Variants in CRELD2 observed in about 807,000 individuals in gnomAD.
The protein encoded by CRELD2 is protein disulfide isomerase CRELD2.
CRELD2 carries 33 observed loss-of-function variants against 48.1 expected under a neutral mutation model. That is an observed-to-expected ratio of 0.69 (90% CI 0.52 to 0.92). The LOEUF is 0.92. CRELD2 is among the 40% of genes least tolerant of loss of function. The probability of loss-of-function intolerance (pLI) is 0.00; values close to 1 mark genes in which losing one functional copy is unlikely to be tolerated. For missense variants in CRELD2, 477 were observed against 482.4 expected, an observed-to-expected ratio of 0.99 and a Z score of 0.10; for synonymous variants, 220 against 203.9, an observed-to-expected ratio of 1.08 and a Z score of -0.67.
At position 49,919,816 on chromosome 22, in the gene CRELD2, ACCTGGAGG is replaced by A; in HGVS notation, c.305_312del (p.Glu102ValfsTer10). The A allele has an allele frequency of 6.2e-7, 1 of 1,611,886 alleles. No homozygotes were observed. Among genetic ancestry groups the A allele is most frequent in the Non-Finnish European group, 8.5e-7 (1 of 1,178,938 alleles). ...CAGATGCTAGAGGCGCAGGAGGAGCACCTGGAGGCCTGGTGGCTGCAGCTGTGAGTGCC... is the reference window on the plus strand; with the variant it reads ...CAGATGCTAGAGGCGCAGGAGGAGCACCTGGTGGCTGCAGCTGTGAGTGCC... On this transcript the variant is annotated frameshift_variant, in exon 3 of 10. Coordinates refer to ENST00000328268, the MANE Select transcript of CRELD2 (RefSeq NM_024324.5). LOFTEE classifies it high-confidence loss of function.
At chr22:49,925,650 A>G (rs1017845829) in intron 9 of CRELD2, 93 bp downstream of exon 9, 1 of 1,580,236 alleles carries the variant, frequency 6.3e-7, no homozygotes, top group Non-Finnish European at 8.6e-7. Context: ...ATCCACACAG[A>G]TGGTGGCCTT....
chr22:49,926,409 G>A (rs1249571439), intron 9 of CRELD2: 1 of 152,220 alleles, frequency 6.6e-6, no homozygotes, highest in Non-Finnish European at 1.5e-5. Flanking sequence ...TTTTCAGAAT[G>A]AATAAGGCAC....
intron 8 of CRELD2, chr22:49,924,744 T>G (rs1054279216): frequency 3.8e-6 from 1 of 262,084 alleles, no homozygotes; most frequent in Non-Finnish European, 7.4e-6. Context: ...TCCCTCCAGC[T>G]CCTGGGTGGC....
chr22:49,919,823 G>A lies in CRELD2; in HGVS notation c.306G>A (p.Glu102=). ...TAGAGGCGCAGGAGGAGCACCTGGA[G>A]GCCTGGTGGCTGCAGCTGTGAGTGC... ...QMLEAQEEHL[E]AWWLQLKSEY... The change falls in exon 3 of 10, where the codon GAG becomes GAA. Residue 102 remains glutamate (E), a synonymous_variant. Transcript: ENST00000328268. 1.2e-6 allele frequency: 2 copies of A among 1,609,180 alleles called. No homozygotes were observed. Among genetic ancestry groups the A allele is most frequent in the Non-Finnish European group, 1.7e-6 (2 of 1,176,714 alleles).
At chr22:49,922,162 C>T in intron 5 of CRELD2, 1 of 1,017,232 alleles carries the variant, frequency 9.8e-7, no homozygotes, top group Non-Finnish European at 1.4e-6. Context: ...CTGGTTGTCA[C>T]TGATATGTAG....
At chr22:49,920,328 G>C (rs866333436) in intron 4 of CRELD2, 81 bp downstream of exon 4, 2 of 1,012,428 alleles carry the variant, frequency 2.0e-6, no homozygotes, top group Middle Eastern at 5.2e-4. Flanking sequence ...TAAAAGCACA[G>C]AGGGGACCTG....
chr22:49,922,891 A>ATGAGGTGGGGCCGTGAGGTGGGG (rs2060713879), intron 6 of CRELD2, among the ~76,000 whole-genome samples, 184 bp downstream of exon 6: 2 of 14,560 alleles, frequency 1.4e-4, no homozygotes, highest in African/African-American at 1.3e-3. Context: ...GGTGTGGGGG[A>ATGAGGTGGGGCCGTGAGGTGGGG]GCATGAGGTG....
At chr22:49,921,224 C>A (rs1327014481) in intron 4 of CRELD2, 11 of 234,938 alleles carry the variant, frequency 4.7e-5, no homozygotes. Context: ...CTGAACACAT[C>A]TAAACATAGA....
intron 3 of CRELD2, 67 bp downstream of exon 3, chr22:49,919,907 G>C: frequency 8.1e-7 from 1 of 1,241,254 alleles, no homozygotes; most frequent in Non-Finnish European, 1.2e-6. Context: ...AATAACCTCA[G>C]ACTTAGAAAG....
chr22:49,925,371 G>A lies in CRELD2; in HGVS notation c.869-46G>A, dbSNP rs181383668. The A allele has an allele frequency of 3.2e-5, 40 of 1,244,860 alleles. No individual in the cohort carries two copies. In the African/African-American group the frequency reaches 3.3e-4, roughly 10 times the overall value. The allele number at this position is 1,244,860 out of a possible 1,614,324, so 77.1% of individuals were successfully genotyped here. On this transcript the variant is annotated intron_variant, in intron 8 of 9. Coordinates refer to ENST00000328268, the MANE Select transcript of CRELD2 (RefSeq NM_024324.5). ...GAATGAATTTCATAATCCGCTGCGC[G>A]TCTGCTGAGCAAAGTAATTATTAAA...
chr22:49,925,896 C>T, intron 9 of CRELD2: 1 of 427,258 alleles, frequency 2.3e-6, no homozygotes, highest in South Asian at 3.6e-5. Flanking sequence ...GGGAAGCTGC[C>T]CAGGGTGCCG....
intron 6 of CRELD2, 51 bp downstream of exon 6, chr22:49,922,758 G>C: frequency 1.2e-6 from 1 of 838,816 alleles, no homozygotes; most frequent in Non-Finnish European, 1.6e-6. Flanking sequence ...GGCGTGGGGG[G>C]TGTGAGATGG....
chr22:49,919,911 T>C (rs2060663477), intron 3 of CRELD2, 71 bp downstream of exon 3: 2 of 1,223,696 alleles, frequency 1.6e-6, no homozygotes, highest in Non-Finnish European at 2.3e-6. Flanking sequence ...ACCTCAGACT[T>C]AGAAAGGTAC....
chr22:49,922,276 G>T (rs7410765), intron 5 of CRELD2: 145,278 of 1,441,102 alleles, frequency 0.1, 9,647 homozygotes, highest in South Asian at 0.28. Flanking sequence ...CGGCCTCTCC[G>T]ATTCTTACGC....
chr22:49,926,612 C>T (rs2060766940), intron 9 of CRELD2: 1 of 120,796 alleles, frequency 8.3e-6, no homozygotes, highest in South Asian at 3.8e-4. Flanking sequence ...GCCCCTCCCT[C>T]CCCCCACCCT....
At chr22:49,921,884 C>T in intron 5 of CRELD2, 123 bp downstream of exon 5, 1 of 984,660 alleles carries the variant, frequency 1.0e-6, no homozygotes, top group East Asian at 2.5e-5. Flanking sequence ...TCCAAGGAAG[C>T]TTCGAGGGCC....
At chr22:49,919,517 C>G (rs778914796) in intron 2 of CRELD2, among the ~76,000 whole-genome samples, 70 of 152,258 alleles carry the variant, frequency 4.6e-4, no homozygotes, top group Non-Finnish European at 8.2e-4. Flanking sequence ...TCCCTACCCC[C>G]TCAACAGACA....
rs777489583 is a variant in CRELD2, at chr22:49,922,664, C to G, written c.645C>G (p.Gly215=). 1 of 1,562,900 alleles carries G rather than the reference C, an allele frequency of 6.4e-7. No individual in the cohort carries two copies. Among genetic ancestry groups the G allele is most frequent in the South Asian group, 1.2e-5 (1 of 85,736 alleles). ...TCSGLTNRDC[G]ECEVGWVLDE... ...CGGGCCTGACCAACAGAGACTGCGG[C>G]GAGTGTGAAGTGGGCTGGGTGCTGG... Residue 215 remains glycine, a synonymous_variant, in exon 6 of 10, where the codon GGC becomes GGG. Coordinates refer to ENST00000328268, the MANE Select transcript of CRELD2 (RefSeq NM_024324.5).
chr22:49,921,279 G>C (rs9616394), intron 4 of CRELD2: 75,331 of 363,110 alleles, frequency 0.21, 8,842 homozygotes, highest in African/African-American at 0.34. Flanking sequence ...AATAAGAGCC[G>C]CTCAGCTTTA....
Sources: gnomAD v4.1 joint callset for allele counts (sites outside exome capture counted in the v4.1 genomes callset) on GRCh38, gnomAD v4.1.1 for gene constraint, MANE v1.5 for transcripts, NCBI Gene and HGNC (gene_info 2026-07-23, HGNC 2026-07-21) for gene names.